Variants in ACER3 observed in about 807,000 individuals in gnomAD.
The protein encoded by ACER3 is alkCDase 3.
ACER3 carries 16 observed loss-of-function variants against 48.9 expected under a neutral mutation model. The ratio of observed to expected loss-of-function variants is 0.33; its 90% confidence interval spans 0.22 to 0.50. The LOEUF is 0.50. Among genes scored for constraint, ACER3 ranks in the 20% least tolerant of loss-of-function variants. The pLI is 0.98. For missense variants in ACER3, 227 were observed against 326.0 expected (o/e 0.70, Z 2.34); for synonymous variants, 109 against 107.8 (o/e 1.01, Z -0.07).
intron 1 of ACER3, among the ~76,000 whole-genome samples, chr11:76,875,107 C>CTTTT (rs10676364): frequency 0.063 from 4,949 of 78,002 alleles, 1,396 homozygotes; most frequent in East Asian, 0.26. Flanking sequence ...AAAAGCACTT[C>CTTTT]TTTTTTTTTT....
chr11:76,936,008 A>T (rs1947170985), intron 2 of ACER3, among the ~76,000 whole-genome samples: 1 of 152,156 alleles, frequency 6.6e-6, no homozygotes, highest in African/African-American at 2.4e-5. Context: ...AACAACAACA[A>T]AACACCCTGC....
At chr11:76,966,187 C>T (rs1303887186) in intron 3 of ACER3, among the ~76,000 whole-genome samples, 1 of 152,006 alleles carries the variant, frequency 6.6e-6, no homozygotes, top group Non-Finnish European at 1.5e-5. Context: ...GACTTTAAAC[C>T]AACAAAGATC....
chr11:76,997,402 G>A (rs1227559098), intron 6 of ACER3, among the ~76,000 whole-genome samples: 1 of 152,152 alleles, frequency 6.6e-6, no homozygotes, highest in Non-Finnish European at 1.5e-5. Context: ...TGTGATTGCT[G>A]TGAGTATAGG....
intron 3 of ACER3, among the ~76,000 whole-genome samples, chr11:76,966,107 G>A (rs11530893): frequency 0.1 from 15,898 of 151,570 alleles, 1,046 homozygotes; most frequent in East Asian, 0.35. Context: ...TAAAGGGATG[G>A]AGGGAGATCT....
intron 1 of ACER3, among the ~76,000 whole-genome samples, chr11:76,882,720 A>C (rs981976157): frequency 5.9e-5 from 9 of 152,214 alleles, no homozygotes; most frequent in African/African-American, 1.9e-4. Context: ...AAGAATGTTA[A>C]ATTGTGGAGA....
chr11:76,967,560 G>A lies in ACER3; in HGVS notation c.267+8529G>A, dbSNP rs565474682. Among the ~76,000 whole-genome samples, 448 of 152,246 alleles carry A rather than the reference G, an allele frequency of 2.9e-3. 5 individuals carry two copies. The highest frequency in any genetic ancestry group is 0.01 in the African/African-American group (425 of 41,556). On this transcript the variant is annotated intron_variant, in intron 3 of 10. Coordinates refer to ENST00000532485, the MANE Select transcript of ACER3 (RefSeq NM_018367.7). The stretch of plus-strand genomic sequence containing the variant: ...ATCCTCAATAAAATACTGGCAAACC[G>A]AATCCAGCAGCACATCAAAAAACTT...
chr11:76,905,849 AAAAC>A (rs1946216719), intron 1 of ACER3, among the ~76,000 whole-genome samples: 1 of 152,254 alleles, frequency 6.6e-6, no homozygotes, highest in Non-Finnish European at 1.5e-5. Context: ...ATAAAACAAG[AAAAC>A]AAAGCAAAAC....
chr11:76,981,946 G>C (rs11603154), intron 4 of ACER3, among the ~76,000 whole-genome samples: 4,599 of 152,150 alleles, frequency 0.03, 92 homozygotes, highest in South Asian at 0.065. Flanking sequence ...TTACTTTATA[G>C]GAAACTGCCA....
intron 1 of ACER3, among the ~76,000 whole-genome samples, chr11:76,871,026 CT>C (rs1476162141): frequency 6.6e-6 from 1 of 152,076 alleles, no homozygotes; most frequent in East Asian, 1.9e-4. Flanking sequence ...TTCTGTAGTC[CT>C]GTTTTAAAGA....
intron 5 of ACER3, among the ~76,000 whole-genome samples, chr11:76,988,600 G>A (rs187628313): frequency 1.3e-5 from 2 of 152,242 alleles, no homozygotes; most frequent in East Asian, 3.9e-4. Flanking sequence ...CCCATGATCT[G>A]TTCACCTCCC....
intron 1 of ACER3, among the ~76,000 whole-genome samples, chr11:76,894,451 A>G (rs1169201710): frequency 2.6e-5 from 4 of 152,204 alleles, no homozygotes; most frequent in African/African-American, 7.2e-5. Context: ...TGGAGGCCAC[A>G]TAGTATAATT....
At chr11:76,876,985 AT>A (rs1945398589) in intron 1 of ACER3, among the ~76,000 whole-genome samples, 1 of 152,184 alleles carries the variant, frequency 6.6e-6, no homozygotes, top group South Asian at 2.1e-4. Context: ...GTTTTGAGAA[AT>A]TTTGATTTTC....
chr11:76,993,970 A>G (rs188105537), intron 6 of ACER3, among the ~76,000 whole-genome samples: 4 of 152,318 alleles, frequency 2.6e-5, no homozygotes, highest in East Asian at 1.9e-4. Context: ...GTGTTAAGGT[A>G]CAGAAGTGTG....
intron 2 of ACER3, among the ~76,000 whole-genome samples, chr11:76,940,282 C>T (rs1445898956): frequency 6.6e-6 from 1 of 151,870 alleles, no homozygotes. Context: ...CCGCACCCAG[C>T]CAACTTTTTA....
At chr11:76,914,741 G>C (rs1946476800) in intron 1 of ACER3, among the ~76,000 whole-genome samples, 1 of 152,140 alleles carries the variant, frequency 6.6e-6, no homozygotes, top group African/African-American at 2.4e-5. Flanking sequence ...AAAGACACAT[G>C]CATACGTATG....
intron 1 of ACER3, among the ~76,000 whole-genome samples, chr11:76,879,470 T>C (rs1271624858): frequency 6.6e-6 from 1 of 152,210 alleles, no homozygotes; most frequent in Non-Finnish European, 1.5e-5. Context: ...TCCAGGGCAA[T>C]GTTGAGTAGA....
intron 1 of ACER3, among the ~76,000 whole-genome samples, chr11:76,867,481 AAAAAAAAAAAAAAAAAG>A (rs1205291060): frequency 9.6e-5 from 12 of 125,560 alleles, no homozygotes; most frequent in African/African-American, 2.8e-4. Context: ...AAAAAAAAAA[AAAAAAAAAAAAAAAAAG>A]AAAGAAAAGT....
At chr11:76,920,656 A>G (rs1475518878) in intron 1 of ACER3, among the ~76,000 whole-genome samples, 1 of 110,960 alleles carries the variant, frequency 9.0e-6, no homozygotes, top group Non-Finnish European at 2.3e-5. Flanking sequence ...TTTTTTTAAC[A>G]GACAGAGTCT....
At chr11:76,930,769 G>C (rs1232602475) in intron 2 of ACER3, among the ~76,000 whole-genome samples, 1 of 152,088 alleles carries the variant, frequency 6.6e-6, no homozygotes, top group African/African-American at 2.4e-5. Context: ...ATGTAGTTGA[G>C]AGGTTTTGAG....
Sources: allele counts gnomAD v4.1 joint callset (sites outside exome capture counted in the v4.1 genomes callset), GRCh38; gene constraint gnomAD v4.1.1; transcripts MANE v1.5; gene names NCBI Gene and HGNC (gene_info 2026-07-23, HGNC 2026-07-21).